The following NPSR1 variants were observed in gnomAD, a reference collection of about 807,000 sequenced individuals.
The protein encoded by NPSR1 is neuropeptide S receptor 1.
A neutral mutation model predicts 46.9 loss-of-function variants in NPSR1; 48 were observed. The ratio of observed to expected loss-of-function variants is 1.02; its 90% CI spans 0.81 to 1.30. The LOEUF (loss-of-function observed/expected upper bound fraction) is 1.30. NPSR1 is among the 50% of genes most tolerant of loss of function. The pLI, the probability that NPSR1 is intolerant of heterozygous loss-of-function variation, is 0.00. For synonymous variants in NPSR1, 176 were observed against 168.1 expected (o/e 1.05, Z -0.36); for missense variants, 450 against 449.5 (o/e 1.00, Z -0.01).
downstream of NPSR1, among the ~76,000 whole-genome samples, chr7:34,850,526 G>A (rs535862660): frequency 4.7e-5 from 7 of 149,910 alleles, no homozygotes; most frequent in Non-Finnish European, 1.0e-4. Flanking sequence ...TCAGCCTCCC[G>A]AGTAGCTGCG....
intron 3 of NPSR1, among the ~76,000 whole-genome samples, chr7:34,790,375 CAAA>C (rs1787675464): frequency 6.6e-6 from 1 of 151,842 alleles, no homozygotes; most frequent in Non-Finnish European, 1.5e-5. Context: ...AGTGCTTCAA[CAAA>C]TAAAGACCAC....
intron 2 of NPSR1, among the ~76,000 whole-genome samples, chr7:34,744,655 A>C (rs1562696419): frequency 6.6e-6 from 1 of 152,180 alleles, no homozygotes; most frequent in African/African-American, 2.4e-5. Flanking sequence ...CCTCATCCCC[A>C]AGGCCTTCTG....
intron 8 of NPSR1, among the ~76,000 whole-genome samples, chr7:34,849,142 C>A (rs1402974333): frequency 2.0e-5 from 3 of 152,204 alleles, no homozygotes; most frequent in Non-Finnish European, 2.9e-5. Context: ...TGTTTTCCTG[C>A]ATAAGCCACA....
At chr7:34,818,506 T>C (rs368034797) in intron 4 of NPSR1, among the ~76,000 whole-genome samples, 2 of 152,174 alleles carry the variant, frequency 1.3e-5, no homozygotes, top group Admixed American at 6.5e-5. Context: ...AGGTATTTTA[T>C]AGATTCAGTG....
At chr7:34,686,660 C>G (rs1045557191) in intron 2 of NPSR1, among the ~76,000 whole-genome samples, 8 of 152,144 alleles carry the variant, frequency 5.3e-5, no homozygotes, top group South Asian at 4.2e-4. Context: ...TCTCTCTCAC[C>G]AGTATCTCAT....
At chr7:34,692,244 A>G (rs1583820219) in intron 2 of NPSR1, among the ~76,000 whole-genome samples, 1 of 152,198 alleles carries the variant, frequency 6.6e-6, no homozygotes, top group African/African-American at 2.4e-5. Flanking sequence ...TAACTGTAAA[A>G]TATACATTCT....
chr7:34,724,715 G>A (rs1784046108), intron 2 of NPSR1, among the ~76,000 whole-genome samples: 1 of 152,130 alleles, frequency 6.6e-6, no homozygotes, highest in South Asian at 2.1e-4. Flanking sequence ...AACTTGACAG[G>A]TCAATTCACT....
At chr7:34,758,574 C>T (rs767054587) in intron 2 of NPSR1, among the ~76,000 whole-genome samples, 1 of 152,210 alleles carries the variant, frequency 6.6e-6, no homozygotes, top group Non-Finnish European at 1.5e-5. Context: ...CCAACCAGGA[C>T]ATTTTTCATT....
At chr7:34,695,581 T>C (rs1014441045) in intron 2 of NPSR1, among the ~76,000 whole-genome samples, 2 of 152,028 alleles carry the variant, frequency 1.3e-5, no homozygotes, top group African/African-American at 4.8e-5. Context: ...ATCCAAAATA[T>C]ACAAGGAACT....
intron 5 of NPSR1, among the ~76,000 whole-genome samples, chr7:34,830,511 G>A (rs898578765): frequency 6.6e-6 from 1 of 151,986 alleles, no homozygotes; most frequent in South Asian, 2.1e-4. Context: ...TGAAAGTAAT[G>A]CCACTTTTCT....
At chr7:34,803,580 G>C (rs1350328060) in intron 3 of NPSR1, among the ~76,000 whole-genome samples, 1 of 151,880 alleles carries the variant, frequency 6.6e-6, no homozygotes, top group Non-Finnish European at 1.5e-5. Context: ...GGTGGGAGGA[G>C]GGGGGAGGGA....
At chr7:34,686,546 C>A (rs924254017) in intron 2 of NPSR1, among the ~76,000 whole-genome samples, 1 of 152,040 alleles carries the variant, frequency 6.6e-6, no homozygotes, top group African/African-American at 2.4e-5. Flanking sequence ...GTTTGAGTCC[C>A]CCATCATATG....
At chr7:34,864,212 G>T (rs1791256248) in intron 8 of NPSR1, among the ~76,000 whole-genome samples, 1 of 151,584 alleles carries the variant, frequency 6.6e-6, no homozygotes, top group Non-Finnish European at 1.5e-5. Context: ...TCACACACTG[G>T]AGCCTGTTGT....
chr7:34,746,566 T>C (rs1444795002), intron 2 of NPSR1, among the ~76,000 whole-genome samples: 1 of 152,212 alleles, frequency 6.6e-6, no homozygotes, highest in Non-Finnish European at 1.5e-5. Context: ...TGCTGTAATA[T>C]TTTTGCTTCT....
chr7:34,790,638 T>C (rs1383755501), intron 3 of NPSR1, among the ~76,000 whole-genome samples: 10 of 140,392 alleles, frequency 7.1e-5, no homozygotes, highest in African/African-American at 2.6e-5. Flanking sequence ...ATATATAATT[T>C]ATATATAATA....
chr7:34,791,023 T>C (rs1270148167), intron 3 of NPSR1, among the ~76,000 whole-genome samples: 1 of 105,684 alleles, frequency 9.5e-6, no homozygotes, highest in African/African-American at 3.8e-5. Context: ...ATTATATATG[T>C]TATATGTTAT....
intron 3 of NPSR1, among the ~76,000 whole-genome samples, chr7:34,788,279 A>T (rs1787559637): frequency 6.6e-6 from 1 of 152,084 alleles, no homozygotes; most frequent in African/African-American, 2.4e-5. Context: ...GAAAGATAAA[A>T]AGTAAGGAAT....
intron 2 of NPSR1, among the ~76,000 whole-genome samples, chr7:34,717,647 A>C (rs535562206): frequency 2.0e-4 from 30 of 152,284 alleles, no homozygotes; most frequent in Admixed American, 1.6e-3. Context: ...TTCTGCTCCC[A>C]ACTGTCCAAG....
intron 2 of NPSR1, among the ~76,000 whole-genome samples, chr7:34,735,434 C>T (rs914832538): frequency 3.9e-5 from 6 of 152,080 alleles, no homozygotes; most frequent in African/African-American, 1.4e-4. Context: ...AGCCCTCTTC[C>T]CCTCCTCTGT....
Sources: gnomAD v4.1 joint callset for allele counts (sites outside exome capture counted in the v4.1 genomes callset) on GRCh38, gnomAD v4.1.1 for gene constraint, MANE v1.5 for transcripts, NCBI Gene and HGNC (gene_info 2026-07-23, HGNC 2026-07-21) for gene names.